PDE4D: variants seen among roughly 807,000 people sequenced by gnomAD.
PDE4D encodes 3',5'-cyclic-AMP phosphodiesterase 4D.
PDE4D carries 24 observed loss-of-function variants against 87.4 expected under a neutral mutation model. The ratio of observed to expected loss-of-function variants is 0.27; its 90% CI spans 0.20 to 0.39. The LOEUF (loss-of-function observed/expected upper bound fraction) is 0.39, where lower values mean the gene tolerates loss of function less well. Among genes scored for constraint, PDE4D ranks in the 10% least tolerant of loss-of-function variants. The probability of loss-of-function intolerance (pLI) is 1.00; values close to 1 mark genes in which losing one functional copy is unlikely to be tolerated. For missense variants in PDE4D, 714 were observed against 1,041.0 expected, an observed-to-expected ratio of 0.69 and a Z score of 4.32; for synonymous variants, 384 against 383.2, an observed-to-expected ratio of 1.00 and a Z score of -0.02.
intron 1 of PDE4D, among the ~76,000 whole-genome samples, chr5:60,189,976 T>TCA (rs1562200994): frequency 2.3e-4 from 35 of 152,046 alleles, no homozygotes; most frequent in Non-Finnish European, 1.0e-4. Flanking sequence ...TAGGGTTGCA[T>TCA]AAATGAAACC....
At chr5:59,440,642 G>T (rs1797472240) in intron 1 of PDE4D, among the ~76,000 whole-genome samples, 1 of 152,174 alleles carries the variant, frequency 6.6e-6, no homozygotes, top group South Asian at 2.1e-4. Flanking sequence ...TGTGCATAGT[G>T]GTGTATGCCT....
At chr5:59,346,387 G>T (rs1021052736) in intron 1 of PDE4D, among the ~76,000 whole-genome samples, 2 of 151,950 alleles carry the variant, frequency 1.3e-5, no homozygotes, top group South Asian at 2.1e-4. Context: ...CAAAGAAAGA[G>T]AATCCTTTCC....
chr5:59,123,716 G>T (rs1774953217), intron 5 of PDE4D, among the ~76,000 whole-genome samples: 1 of 152,146 alleles, frequency 6.6e-6, no homozygotes, highest in South Asian at 2.1e-4. Flanking sequence ...GTATGCCATT[G>T]TAAATCTGAA....
intron 1 of PDE4D, among the ~76,000 whole-genome samples, chr5:59,395,755 A>G (rs1277952566): frequency 7.7e-6 from 1 of 130,180 alleles, no homozygotes; most frequent in African/African-American, 3.0e-5. Flanking sequence ...GAGCTGAGAG[A>G]AGAAGGCTTC....
chr5:59,526,442 T>C (rs1454418494), intron 1 of PDE4D, among the ~76,000 whole-genome samples: 2 of 152,196 alleles, frequency 1.3e-5, no homozygotes, highest in Non-Finnish European at 2.9e-5. Context: ...AAAATAATTG[T>C]ATGCTTGCTT....
At chr5:60,430,535 G>GTTTTTT (rs367558098) in intron 1 of PDE4D, among the ~76,000 whole-genome samples, 2 of 128,106 alleles carry the variant, frequency 1.6e-5, no homozygotes, top group African/African-American at 5.8e-5. Context: ...TTTGTGTTTT[G>GTTTTTT]TTTTTTTTTG....
intron 1 of PDE4D, among the ~76,000 whole-genome samples, chr5:60,375,870 C>T (rs999440304): frequency 1.3e-5 from 2 of 152,158 alleles, no homozygotes; most frequent in African/African-American, 4.8e-5. Context: ...GAAACCTCAT[C>T]TCTACTAAAA....
chr5:58,999,486 T>C, intron 6 of PDE4D: 1 of 1,509,198 alleles, frequency 6.6e-7, no homozygotes, highest in Non-Finnish European at 9.0e-7. Context: ...AAGTAAGTCT[T>C]ACCTTTATGT....
At chr5:60,049,488 T>A (rs1328356135) in intron 2 of PDE4D, among the ~76,000 whole-genome samples, 2 of 152,226 alleles carry the variant, frequency 1.3e-5, no homozygotes, top group Non-Finnish European at 2.9e-5. Context: ...TTTCCCCATT[T>A]TTGTGGTTTT....
chr5:59,914,531 G>GATGT (rs1288596691), intron 3 of PDE4D, among the ~76,000 whole-genome samples: 79 of 120,126 alleles, frequency 6.6e-4, no homozygotes, highest in African/African-American at 2.5e-3. Flanking sequence ...AAGCCAGGAA[G>GATGT]ATGTATGTGT....
chr5:59,618,812 A>G (rs1830009983), intron 1 of PDE4D, among the ~76,000 whole-genome samples: 1 of 151,974 alleles, frequency 6.6e-6, no homozygotes, highest in Non-Finnish European at 1.5e-5. Flanking sequence ...TGAGGGCTCC[A>G]CCCTCATGGG....
intron 1 of PDE4D, among the ~76,000 whole-genome samples, chr5:60,273,353 C>A (rs1036951558): frequency 2.0e-5 from 3 of 152,130 alleles, no homozygotes; most frequent in Admixed American, 2.0e-4. Flanking sequence ...GAAAATGGTA[C>A]ATACGGAAAA....
At chr5:59,979,421 G>GGTGTGTGTGTGTGT (rs60199601) in intron 3 of PDE4D, among the ~76,000 whole-genome samples, 47,397 of 147,426 alleles carry the variant, frequency 0.32, 8,726 homozygotes, top group East Asian at 0.58. Flanking sequence ...CACAGCAAGG[G>GGTGTGTGTGTGTGT]GTGTGTGTGT....
At chr5:59,491,713 C>T (rs1279745394) in intron 1 of PDE4D, among the ~76,000 whole-genome samples, 3 of 152,046 alleles carry the variant, frequency 2.0e-5, no homozygotes, top group Admixed American at 6.6e-5. Flanking sequence ...TCATGAATAC[C>T]TTATTTCTTA....
intron 3 of PDE4D, among the ~76,000 whole-genome samples, chr5:59,955,024 A>T (rs1317500691): frequency 6.6e-6 from 1 of 152,224 alleles, no homozygotes; most frequent in Non-Finnish European, 1.5e-5. Flanking sequence ...ATATTCAGGA[A>T]TAAGAAAATG....
intron 1 of PDE4D, among the ~76,000 whole-genome samples, chr5:60,462,788 G>A (rs568021265): frequency 7.9e-5 from 12 of 152,258 alleles, no homozygotes; most frequent in Middle Eastern, 3.4e-3. Flanking sequence ...CCATCCATTG[G>A]CATCCAGCAT....
intron 1 of PDE4D, among the ~76,000 whole-genome samples, chr5:60,345,780 T>A (rs982972833): frequency 6.6e-6 from 1 of 152,098 alleles, no homozygotes; most frequent in East Asian, 1.9e-4. Context: ...GAATTTCAGA[T>A]TTTTCTCTAG....
At chr5:59,843,260 T>A (rs1743307032) in intron 1 of PDE4D, among the ~76,000 whole-genome samples, 1 of 152,014 alleles carries the variant, frequency 6.6e-6, no homozygotes, top group Non-Finnish European at 1.5e-5. Context: ...ATTTTAGCCA[T>A]CTTGCCATGA....
intron 1 of PDE4D, among the ~76,000 whole-genome samples, chr5:59,490,720 A>G (rs1359154875): frequency 3.9e-5 from 6 of 152,244 alleles, no homozygotes; most frequent in Non-Finnish European, 8.8e-5. Context: ...AACCAAATTT[A>G]TCTTGTTCCT....
Sources: gnomAD v4.1 joint callset for allele counts (sites outside exome capture counted in the v4.1 genomes callset) on GRCh38, gnomAD v4.1.1 for gene constraint, MANE v1.5 for transcripts, NCBI Gene and HGNC (gene_info 2026-07-23, HGNC 2026-07-21) for gene names.